Variants in NSG2 observed in about 807,000 individuals in gnomAD.
NSG2 encodes neuronal vesicle trafficking associated 2, also known as neuronal vesicle trafficking-associated protein 2.
Under a neutral mutation model 16.9 loss-of-function variants are expected in NSG2, and 4 were observed. That is an observed-to-expected ratio of 0.24 (90% CI 0.12 to 0.54). The LOEUF (loss-of-function observed/expected upper bound fraction) is 0.54. NSG2 is among the 20% of genes least tolerant of loss of function. NSG2 has a pLI of 0.95. For synonymous variants in NSG2, 98 were observed against 88.7 expected (o/e 1.11, Z -0.59); for missense variants, 179 against 221.1 (o/e 0.81, Z 1.21).
intron 2 of NSG2, among the ~76,000 whole-genome samples, chr5:174,051,843 A>G (rs1280473203): frequency 6.6e-6 from 1 of 152,258 alleles, no homozygotes; most frequent in Non-Finnish European, 1.5e-5. Context: ...AATTATAATG[A>G]CAAGGTGGTC....
chr5:174,096,050 C>T (rs1424649127), intron 3 of NSG2, among the ~76,000 whole-genome samples: 2 of 152,222 alleles, frequency 1.3e-5, no homozygotes, highest in African/African-American at 4.8e-5. Context: ...CCTTTCTGTG[C>T]CTTAGTCTTC....
At chr5:174,098,925 G>A (rs75581174) in intron 3 of NSG2, among the ~76,000 whole-genome samples, 2,098 of 152,290 alleles carry the variant, frequency 0.014, 24 homozygotes, top group Non-Finnish European at 0.02. Context: ...TTAAATTCAA[G>A]AAGTGAAACC....
chr5:174,065,298 A>C (rs1362459348), intron 3 of NSG2, among the ~76,000 whole-genome samples: 1 of 151,534 alleles, frequency 6.6e-6, no homozygotes, highest in African/African-American at 2.4e-5. Context: ...ACTGCACTCC[A>C]GCCTGGATGA....
chr5:174,100,541 A>G (rs749449028), intron 3 of NSG2, among the ~76,000 whole-genome samples: 19 of 152,206 alleles, frequency 1.2e-4, no homozygotes, highest in Non-Finnish European at 2.2e-4. Flanking sequence ...CAACCTAGGC[A>G]TCAGCATTTC....
chr5:174,047,055 T>C (rs1308817924), intron 2 of NSG2, among the ~76,000 whole-genome samples, 171 bp downstream of exon 2: 1 of 152,254 alleles, frequency 6.6e-6, no homozygotes. Context: ...TCTTGTGTTA[T>C]TTCAGATTTA....
At chr5:174,073,680 T>G (rs927950418) in intron 3 of NSG2, among the ~76,000 whole-genome samples, 19 of 152,300 alleles carry the variant, frequency 1.2e-4, no homozygotes, top group Non-Finnish European at 4.4e-5. Flanking sequence ...AACGAAACAT[T>G]CCTCTGAGAC....
chr5:174,107,250 T>A lies in NSG2; in HGVS notation c.325-64T>A. Reference sequence around the variant, plus strand: ...AGCTGCACTCCAGTCAGGGTGGCTGTGTTGCTGGGCAGGTTGGGAGCAGTT... The same window carrying A: ...AGCTGCACTCCAGTCAGGGTGGCTGAGTTGCTGGGCAGGTTGGGAGCAGTT... On this transcript the variant is annotated intron_variant, in intron 4 of 4. Coordinates refer to ENST00000303177, the MANE Select transcript of NSG2 (RefSeq NM_015980.5). This position sits in a 1 kb window ranked among gnomAD's most constrained non-coding sequence, Gnocchi z 4.5. The A allele has an allele frequency of 2.8e-6, 4 of 1,414,542 alleles. No individual in the cohort carries two copies. The highest frequency in any genetic ancestry group is 3.8e-6 in the Non-Finnish European group (4 of 1,047,972). 87.6% of individuals were successfully genotyped at this position (1,414,542 alleles called of 1,614,324 possible). A position where few individuals can be genotyped will look rare whatever the true frequency, so the allele number is the denominator to read the frequency against.
chr5:174,051,495 G>A (rs778997916), intron 2 of NSG2, among the ~76,000 whole-genome samples: 7 of 152,128 alleles, frequency 4.6e-5, no homozygotes, highest in South Asian at 2.1e-4. Context: ...AAGTATAGCT[G>A]TAGTTGTACC....
intron 3 of NSG2, among the ~76,000 whole-genome samples, chr5:174,078,207 C>G (rs781447109): frequency 3.3e-5 from 5 of 152,104 alleles, no homozygotes; most frequent in Non-Finnish European, 5.9e-5. Flanking sequence ...GGAGCAGCTT[C>G]CTATGTTCCT....
At position 174,107,643 on chromosome 5, in the gene NSG2, C is replaced by T. The variant is rs576800071; in HGVS notation, c.*138C>T. The T allele has an allele frequency of 2.1e-4, 172 of 821,240 alleles. No individual in the cohort carries two copies. In the African/African-American group the frequency reaches 2.6e-3, roughly 12 times the overall value. The allele number at this position is 821,240 out of a possible 1,614,324, so 50.9% of individuals were successfully genotyped here. ...GGGCAGGGCAGGGTGGGGGGAAGAA[C>T]GCACCAAAAACGTGGTGTGTGCTGG... On this transcript the variant is annotated 3_prime_UTR_variant, in exon 5 of 5. Coordinates refer to ENST00000303177, the MANE Select transcript of NSG2 (RefSeq NM_015980.5). The surrounding 1 kb of genome is among the most constrained non-coding windows in gnomAD (Gnocchi z 4.5).
intron 4 of NSG2, among the ~76,000 whole-genome samples, chr5:174,106,907 A>T (rs187011647): frequency 1.3e-5 from 2 of 152,220 alleles, no homozygotes; most frequent in Middle Eastern, 3.4e-3. Flanking sequence ...TTTTGATATA[A>T]GAGAAAAGAG....
chr5:174,102,693 G>A (rs1459170321), intron 3 of NSG2, among the ~76,000 whole-genome samples: 1 of 152,122 alleles, frequency 6.6e-6, no homozygotes, highest in African/African-American at 2.4e-5. Flanking sequence ...TAGGAACTGG[G>A]TTATATTTAA....
chr5:174,058,203 A>G (rs984469014), intron 2 of NSG2, among the ~76,000 whole-genome samples: 2 of 152,182 alleles, frequency 1.3e-5, no homozygotes, highest in African/African-American at 4.8e-5. Flanking sequence ...GTGAATGTTC[A>G]GTAGGGTCAT....
intron 3 of NSG2, among the ~76,000 whole-genome samples, chr5:174,097,703 CTTTT>C (rs938678114): frequency 7.0e-6 from 1 of 143,576 alleles, no homozygotes; most frequent in African/African-American, 2.6e-5. Context: ...CTGTGTGTGT[CTTTT>C]TGTGTGTGTT....
At chr5:174,104,126 T>C in intron 3 of NSG2, 102 bp from the exon 4 acceptor site, 1 of 798,780 alleles carries the variant, frequency 1.3e-6, no homozygotes. Flanking sequence ...TCCCCCTTTC[T>C]AGCACACCAT....
chr5:174,107,222 T>C lies in NSG2; in HGVS notation c.325-92T>C, dbSNP rs1760996183. ...ACCTGCCCTCTGGCTGACAGCCCGATGCAGCTGCACTCCAGTCAGGGTGGC... is the reference window on the plus strand; with the variant it reads ...ACCTGCCCTCTGGCTGACAGCCCGACGCAGCTGCACTCCAGTCAGGGTGGC... On this transcript the variant is annotated intron_variant, in intron 4 of 4. Coordinates refer to ENST00000303177, the MANE Select transcript of NSG2 (RefSeq NM_015980.5). This position sits in a 1 kb window ranked among gnomAD's most constrained non-coding sequence, Gnocchi z 4.5. The C allele has an allele frequency of 8.4e-7, 1 of 1,195,326 alleles. No homozygotes were observed. The highest frequency in any genetic ancestry group is 1.2e-6 in the Non-Finnish European group (1 of 863,520). 74.0% of individuals were successfully genotyped at this position (1,195,326 alleles called of 1,614,324 possible).
Position 174,107,759 on chromosome 5 carries a change from T to C in NSG2, c.*254T>C, listed in dbSNP as rs1332621782. ...TGTACAAAGGCATGTTTCGTGTTGA[T>C]TGTTCCCATGTAAGATATTTTTAAA... On this transcript the variant is annotated 3_prime_UTR_variant, in exon 5 of 5. Coordinates refer to ENST00000303177, the MANE Select transcript of NSG2 (RefSeq NM_015980.5). This position sits in a 1 kb window ranked among gnomAD's most constrained non-coding sequence, Gnocchi z 4.5. 1.5e-6 allele frequency: 1 copy of C among 668,156 alleles called. No homozygotes were observed. The highest frequency in any genetic ancestry group is 2.4e-4 in the Middle Eastern group (1 of 4,204). The allele number at this position is 668,156 out of a possible 1,614,324, so 41.4% of individuals were successfully genotyped here. A position where few individuals can be genotyped will look rare whatever the true frequency, so the allele number is the denominator to read the frequency against.
intron 3 of NSG2, 56 bp from the exon 4 acceptor site, chr5:174,104,172 C>T (rs575709978): frequency 1.5e-4 from 193 of 1,255,080 alleles, no homozygotes; most frequent in African/African-American, 7.9e-4. Flanking sequence ...AAGCTGCATA[C>T]GGGGACTGAA....
At chr5:174,062,494 G>T (rs1400087508) in intron 2 of NSG2, 2 of 152,174 alleles carry the variant, frequency 1.3e-5, no homozygotes, top group Non-Finnish European at 2.9e-5. Context: ...GCATCCTTCT[G>T]CCCCCACCCC....
Sources: gnomAD v4.1 joint callset for allele counts (sites outside exome capture counted in the v4.1 genomes callset) on GRCh38, gnomAD v4.1.1 for gene constraint, Gnocchi (gnomAD v3.1) non-coding constraint, MANE v1.5 for transcripts, NCBI Gene and HGNC (gene_info 2026-07-23, HGNC 2026-07-21) for gene names.